Variants in PCDHGA5 observed in about 807,000 individuals in gnomAD.
The protein encoded by PCDHGA5 is protocadherin gamma-A5.
A neutral mutation model predicts 56.7 loss-of-function variants in PCDHGA5; 36 were observed. That is an observed-to-expected ratio of 0.64 (90% CI 0.49 to 0.84). The LOEUF is 0.84. Among genes scored for constraint, PCDHGA5 ranks in the 40% least tolerant of loss-of-function variants. The probability of loss-of-function intolerance (pLI) is 0.00; values close to 1 mark genes in which losing one functional copy is unlikely to be tolerated. For synonymous variants in PCDHGA5, 563 were observed against 520.2 expected (o/e 1.08, Z -1.12); for missense variants, 1,305 against 1,201.5 (o/e 1.09, Z -1.27).
intron 1 of PCDHGA5, chr5:141,394,510 C>T (rs371348730): frequency 2.5e-6 from 4 of 1,614,098 alleles, no homozygotes; most frequent in Non-Finnish European, 3.4e-6. Flanking sequence ...CTGTACCCCG[C>T]CCTCCCCACA....
At chr5:141,390,249 C>A (rs749702926) in intron 1 of PCDHGA5, 1 of 1,614,046 alleles carries the variant, frequency 6.2e-7, no homozygotes, top group South Asian at 1.1e-5. Context: ...CTTATTTCCA[C>A]TTTGTAATTC....
intron 1 of PCDHGA5, chr5:141,384,258 C>T: frequency 6.2e-7 from 1 of 1,613,896 alleles, no homozygotes; most frequent in Non-Finnish European, 8.5e-7. Flanking sequence ...CCACCTTCCC[C>T]CACTCATCCT....
chr5:141,430,707 C>T, intron 1 of PCDHGA5: 2 of 1,478,562 alleles, frequency 1.4e-6, no homozygotes, highest in Non-Finnish European at 9.0e-7. Flanking sequence ...GGAACTGCTC[C>T]TGACTTCAGT....
chr5:141,395,363 T>C (rs2093221465), intron 1 of PCDHGA5: 2 of 1,278,044 alleles, frequency 1.6e-6, no homozygotes, highest in Admixed American at 5.9e-5. Context: ...GTTTTGGGTT[T>C]ATTTTGGTGG....
chr5:141,372,008 C>A (rs774155523), intron 1 of PCDHGA5: 3 of 1,613,290 alleles, frequency 1.9e-6, no homozygotes, highest in East Asian at 4.5e-5. Flanking sequence ...GCGACCAGGG[C>A]TCGCCTACGC....
intron 1 of PCDHGA5, among the ~76,000 whole-genome samples, chr5:141,368,858 A>G (rs1283174672): frequency 6.6e-6 from 1 of 152,158 alleles, no homozygotes; most frequent in Non-Finnish European, 1.5e-5. Context: ...TTGCTTTGGA[A>G]TGTTTTGGAG....
chr5:141,504,752 A>G (rs1194764381), intron 2 of PCDHGA5, among the ~76,000 whole-genome samples: 23 of 151,894 alleles, frequency 1.5e-4, no homozygotes, highest in Non-Finnish European at 3.2e-4. Flanking sequence ...TGAATTTTAG[A>G]AATTTCTTCT....
chr5:141,384,847 G>A (rs781186343), intron 1 of PCDHGA5: 9 of 1,613,590 alleles, frequency 5.6e-6, no homozygotes, highest in Admixed American at 3.3e-5. Flanking sequence ...CCAGGACCAC[G>A]GTCAGCCTCC....
intron 2 of PCDHGA5, among the ~76,000 whole-genome samples, chr5:141,501,838 G>A (rs888418141): frequency 6.6e-6 from 1 of 152,000 alleles, no homozygotes; most frequent in African/African-American, 2.4e-5. Flanking sequence ...CACCTGTTTG[G>A]CCCTCAACCT....
chr5:141,431,709 T>A lies in PCDHGA5; in HGVS notation c.2422-63098T>A. 6.2e-7 allele frequency: 1 copy of A among 1,614,168 alleles called. No individual in the cohort carries two copies. Among genetic ancestry groups the A allele is most frequent in the Non-Finnish European group, 8.5e-7 (1 of 1,180,018 alleles). ...CACGAGGAGTCAGGATTCTACCAGA[T>A]GGAAGTGCAAGCAATGGATAATGCA... On this transcript the variant is annotated intron_variant, in intron 1 of 3. Coordinates refer to ENST00000518069, the MANE Select transcript of PCDHGA5 (RefSeq NM_018918.3). This position sits in a 1 kb window ranked among gnomAD's most constrained non-coding sequence, Gnocchi z 4.8.
Position 141,375,974 on chromosome 5 carries a change from G to A in PCDHGA5, c.2421+9223G>A, listed in dbSNP as rs181747779. Reference sequence around the variant, plus strand: ...CACGGGCGAGGTGCGCACGGCGCGCGCCCTGCTGGACAGAGACGCGCTCAA... The same window carrying A: ...CACGGGCGAGGTGCGCACGGCGCGCACCCTGCTGGACAGAGACGCGCTCAA... On this transcript the variant is annotated intron_variant, in intron 1 of 3. Transcript: ENST00000518069. 26 of 1,613,354 alleles carry A rather than the reference G, an allele frequency of 1.6e-5. No individual in the cohort carries two copies. The South Asian group carries it at 2.0e-4, about 12-fold the overall frequency.
intron 1 of PCDHGA5, chr5:141,372,265 G>C: frequency 1.5e-5 from 25 of 1,613,132 alleles, no homozygotes; most frequent in Non-Finnish European, 2.1e-5. Flanking sequence ...CTGCGCACGG[G>C]TGAGGTGCGC....
chr5:141,372,230 C>T lies in PCDHGA5; in HGVS notation c.2421+5479C>T, dbSNP rs781407090. ...TGTCCTACCACATTGTGCAGGCCAG[C>T]GAGCCCGGGCTGTTCAGCCTGGGCC... On this transcript the variant is annotated intron_variant, in intron 1 of 3. Coordinates refer to ENST00000518069, the MANE Select transcript of PCDHGA5 (RefSeq NM_018918.3). The T allele has an allele frequency of 6.2e-6, 10 of 1,613,346 alleles. No individual in the cohort carries two copies. In the East Asian group the frequency reaches 2.2e-4, roughly 36 times the overall value.
chr5:141,468,049 G>C (rs2099156671), intron 1 of PCDHGA5, among the ~76,000 whole-genome samples: 1 of 152,068 alleles, frequency 6.6e-6, no homozygotes, highest in African/African-American at 2.4e-5. Context: ...ACTAAGCCGG[G>C]CACAGTGGCT....
chr5:141,375,809 G>A (rs912938777), intron 1 of PCDHGA5: 92 of 1,614,084 alleles, frequency 5.7e-5, no homozygotes, highest in Non-Finnish European at 7.3e-5. Flanking sequence ...CACTGGCGTG[G>A]AGCTGGCGCC....
At chr5:141,417,555 TAGAGA>T (rs926975589) in intron 1 of PCDHGA5, 38 of 335,630 alleles carry the variant, frequency 1.1e-4, no homozygotes, top group Non-Finnish European at 1.5e-4. Context: ...TTGAAAGAGG[TAGAGA>T]AAAGTCAAGT....
Position 141,364,882 on chromosome 5 carries a change from C to G in PCDHGA5, c.552C>G (p.Ser184Arg), listed in dbSNP as rs199576947. 1.6e-3 allele frequency: 2,598 copies of G among 1,613,962 alleles called. 5 individuals carry two copies. The highest frequency in any genetic ancestry group is 2.6e-3 in the South Asian group (236 of 91,080). Reference sequence around the variant, plus strand: ...TGCACTTCTCTCTGGATGTGGTAAGCGGAACTGATGGACAAAAGTATCCGG... The same window carrying G: ...TGCACTTCTCTCTGGATGTGGTAAGGGGAACTGATGGACAAAAGTATCCGG... Reference protein sequence around the residue: ...SNLHFSLDVVSGTDGQKYPEL... With the variant: ...SNLHFSLDVVRGTDGQKYPEL... Residue 184 changes from serine (S) to arginine (R), a missense_variant, in exon 1 of 4, where the codon AGC becomes AGG. Ser to Arg is a moderately radical substitution (Grantham distance 110). Transcript: ENST00000518069.
chr5:141,403,482 A>C (rs764737675), intron 1 of PCDHGA5: 2 of 1,613,892 alleles, frequency 1.2e-6, no homozygotes, highest in Non-Finnish European at 1.7e-6. Flanking sequence ...CCCAATCACC[A>C]CTTCTCCCTG....
chr5:141,415,533 G>A (rs749139053), intron 1 of PCDHGA5: 11 of 1,614,198 alleles, frequency 6.8e-6, no homozygotes, highest in Non-Finnish European at 6.8e-6. Flanking sequence ...TCATCAGCCA[G>A]GAGAGCTGTG....
Sources: allele counts gnomAD v4.1 joint callset (sites outside exome capture counted in the v4.1 genomes callset), GRCh38; gene constraint gnomAD v4.1.1; non-coding constraint Gnocchi (gnomAD v3.1); transcripts MANE v1.5; gene names NCBI Gene and HGNC (gene_info 2026-07-23, HGNC 2026-07-21).